HELQ: variants seen among roughly 807,000 people sequenced by gnomAD.
The protein encoded by HELQ is helicase, POLQ like.
In HELQ, 77 loss-of-function variants were observed where a neutral mutation model predicts 111.6. The ratio of observed to expected loss-of-function variants is 0.69; its 90% CI spans 0.57 to 0.83. The LOEUF is 0.83. Ranked by LOEUF, HELQ falls within the 40% of genes least tolerant of loss-of-function variation. HELQ has a pLI of 0.00. For missense variants in HELQ, 1,200 were observed against 1,288.5 expected (o/e 0.93, Z 1.05); for synonymous variants, 438 against 454.7 (o/e 0.96, Z 0.47).
chr4:83,423,074 A>G (rs977442843), intron 14 of HELQ, among the ~76,000 whole-genome samples: 1 of 152,268 alleles, frequency 6.6e-6, no homozygotes, highest in Admixed American at 6.5e-5. Context: ...GCTAGCTTAG[A>G]AACTAATCAA....
intron 17 of HELQ, among the ~76,000 whole-genome samples, chr4:83,407,865 A>G (rs1481965873): frequency 6.6e-6 from 1 of 152,234 alleles, no homozygotes; most frequent in Non-Finnish European, 1.5e-5. Context: ...TTTAATCTAT[A>G]AAATCTAAGA....
chr4:83,447,923 G>A (rs1302287688), intron 3 of HELQ, among the ~76,000 whole-genome samples: 2 of 150,682 alleles, frequency 1.3e-5, no homozygotes, highest in African/African-American at 4.9e-5. Context: ...GAAAAAGCAA[G>A]GTAAGGCCGG....
chr4:83,430,685 A>G (rs193217523), intron 11 of HELQ, among the ~76,000 whole-genome samples: 1 of 152,374 alleles, frequency 6.6e-6, no homozygotes, highest in Admixed American at 6.5e-5. Context: ...ATAAGGGGTA[A>G]GAAAAATATA....
chr4:83,422,955 C>T (rs1324140934), intron 14 of HELQ, among the ~76,000 whole-genome samples: 1 of 152,110 alleles, frequency 6.6e-6, no homozygotes, highest in Non-Finnish European at 1.5e-5. Flanking sequence ...CAAGCTAAAA[C>T]ACCTGAAAGA....
At chr4:83,441,120 G>A (rs1720733316) in intron 7 of HELQ, among the ~76,000 whole-genome samples, 185 bp downstream of exon 7, 2 of 152,198 alleles carry the variant, frequency 1.3e-5, no homozygotes, top group Admixed American at 1.3e-4. Context: ...AGAATATGGT[G>A]TGATCTAATG....
intron 13 of HELQ, among the ~76,000 whole-genome samples, chr4:83,426,564 C>T (rs560649979): frequency 5.8e-5 from 8 of 138,612 alleles, no homozygotes; most frequent in Non-Finnish European, 1.1e-4. Flanking sequence ...GTTTTTGTTT[C>T]TGTTTTTGTT....
At position 83,426,766 on chromosome 4, in the gene HELQ, G is replaced by A. The variant is rs151153043; in HGVS notation, c.2677-674C>T. 1.3e-3 allele frequency among the ~76,000 whole-genome samples: 196 copies of A among 152,018 alleles called. 1 individual carries two copies. The highest frequency in any genetic ancestry group is 4.5e-3 in the African/African-American group (187 of 41,468). On this transcript the variant is annotated intron_variant, in intron 13 of 17. Coordinates refer to ENST00000295488, the MANE Select transcript of HELQ (RefSeq NM_133636.5). ...CTTTTAGAAGAGACGGGGTTTCACC[G>A]TGTTGCCCAGGCTGGTCTCAAACTC...
intron 17 of HELQ, 130 bp downstream of exon 17, chr4:83,416,600 AG>A (rs1241258906): frequency 5.6e-6 from 5 of 887,858 alleles, no homozygotes; most frequent in Non-Finnish European, 8.4e-6. Context: ...CTCACAAATA[AG>A]AGTATGTACT....
chr4:83,446,006 ATACT>A lies in HELQ; in HGVS notation c.1465+4_1465+7del, dbSNP rs1281682480. On this transcript the variant is annotated splice_donor_5th_base_variant and intron_variant, in intron 5 of 17. Coordinates refer to ENST00000295488, the MANE Select transcript of HELQ (RefSeq NM_133636.5). ...TCAATTCATGACCTCATTTGAAAAA[ATACT>A]TACTGCTAGTGTAGAGGATTTTTGC... 6.4e-7 allele frequency: 1 copy of A among 1,573,562 alleles called. No individual in the cohort carries two copies. The highest frequency in any genetic ancestry group is 8.7e-7 in the Non-Finnish European group (1 of 1,144,240).
chr4:83,426,138 C>T (rs758336258), intron 13 of HELQ, 46 bp from the exon 14 acceptor site: 12 of 950,366 alleles, frequency 1.3e-5, no homozygotes, highest in Non-Finnish European at 2.0e-5. Flanking sequence ...AAAAATCTGT[C>T]ATGTGAACCA....
chr4:83,427,795 G>C (rs1553928448), intron 12 of HELQ, 75 bp from the exon 13 acceptor site: 1 of 1,090,430 alleles, frequency 9.2e-7, no homozygotes, highest in Non-Finnish European at 1.3e-6. Context: ...ATATTGTGTA[G>C]AAATTGCTTA....
chr4:83,447,657 G>C (rs755909767), intron 3 of HELQ, among the ~76,000 whole-genome samples: 3 of 152,112 alleles, frequency 2.0e-5, no homozygotes, highest in Non-Finnish European at 2.9e-5. Flanking sequence ...ACAGGCGTTT[G>C]AGATCAGCCT....
chr4:83,436,922 CTG>C lies in HELQ; in HGVS notation c.1982_1983del (p.Thr661ArgfsTer32), dbSNP rs1720489531. 1.2e-6 allele frequency: 2 copies of C among 1,614,148 alleles called. No homozygotes were observed. The highest frequency in any genetic ancestry group is 1.7e-6 in the Non-Finnish European group (2 of 1,179,960). The part of the protein sequence containing the change: ...ERKLLEEAYS[T>X]GVLCLFTCTS... The stretch of plus-strand genomic sequence containing the variant: ...GTGCAGGTAAAAAGACAGAGCACTC[CTG>C]TGGAGTAGGCCTCCTCCAAGAGTTT... On this transcript the variant is annotated frameshift_variant, in exon 9 of 18. Transcript: ENST00000295488. LOFTEE classifies it high-confidence loss of function.
At chr4:83,432,558 A>G (rs896934374) in intron 9 of HELQ, among the ~76,000 whole-genome samples, 1 of 152,192 alleles carries the variant, frequency 6.6e-6, no homozygotes, top group Non-Finnish European at 1.5e-5. Flanking sequence ...TACCAGAGCT[A>G]TCATTTGAAC....
chr4:83,416,644 G>T, intron 17 of HELQ, 87 bp downstream of exon 17: 1 of 1,280,434 alleles, frequency 7.8e-7, no homozygotes, highest in Non-Finnish European at 1.1e-6. Flanking sequence ...GTTATGCAAT[G>T]TGAAATGTTT....
At position 83,444,189 on chromosome 4, in the gene HELQ, A is replaced by G. The variant is rs971272436; in HGVS notation, c.1466-575T>C. On this transcript the variant is annotated intron_variant, in intron 5 of 17. Transcript: ENST00000295488. ...ACTAGGATATTAAGGCTTCTAAACA[A>G]TAATAAATGAGTATAAATCTGCTTA... is the stretch of plus-strand genomic sequence containing the variant. Among the ~76,000 whole-genome samples the G allele has an allele frequency of 6.6e-5, 10 of 152,344 alleles. No individual in the cohort carries two copies. In the East Asian group the frequency reaches 1.9e-3, roughly 29 times the overall value.
chr4:83,410,193 G>A (rs1739014058), intron 17 of HELQ, among the ~76,000 whole-genome samples: 1 of 152,164 alleles, frequency 6.6e-6, no homozygotes. Context: ...AGGCTGCAGT[G>A]AGCTATGATG....
At chr4:83,413,258 T>C (rs1022428383) in intron 17 of HELQ, among the ~76,000 whole-genome samples, 16 of 152,146 alleles carry the variant, frequency 1.1e-4, no homozygotes, top group Admixed American at 1.0e-3. Context: ...CCAACTTGAA[T>C]TGGTAAGAAG....
At chr4:83,437,715 T>A (rs1300162697) in intron 8 of HELQ, among the ~76,000 whole-genome samples, 3 of 152,132 alleles carry the variant, frequency 2.0e-5, no homozygotes, top group African/African-American at 7.2e-5. Context: ...GTACTTCCTT[T>A]GAATCCATGG....
Sources: allele counts gnomAD v4.1 joint callset (sites outside exome capture counted in the v4.1 genomes callset), GRCh38; gene constraint gnomAD v4.1.1; transcripts MANE v1.5; gene names NCBI Gene and HGNC (gene_info 2026-07-23, HGNC 2026-07-21).